The following OR51B5 variants were observed in gnomAD, a reference collection of about 807,000 sequenced individuals.
The protein encoded by OR51B5 is olfactory receptor 51B5.
For synonymous variants in OR51B5, 186 were observed against 144.8 expected, an observed-to-expected ratio of 1.28 and a Z score of -2.04; for missense variants, 456 against 374.6, an observed-to-expected ratio of 1.22 and a Z score of -1.79.
At chr11:5,500,344 G>A (rs1404403872) in intron 1 of OR51B5, among the ~76,000 whole-genome samples, 2 of 152,164 alleles carry the variant, frequency 1.3e-5, no homozygotes, top group East Asian at 1.9e-4. Flanking sequence ...TCTGTTGCAT[G>A]AGAATCTGAT....
intron 1 of OR51B5, among the ~76,000 whole-genome samples, chr11:5,377,304 C>G (rs1208688052): frequency 1.2e-4 from 18 of 152,252 alleles, no homozygotes; most frequent in Middle Eastern, 3.4e-3. Context: ...ATTGATGGGA[C>G]ATATCTCAAA....
chr11:5,368,989 A>T (rs1849413321), intron 1 of OR51B5, among the ~76,000 whole-genome samples: 1 of 152,142 alleles, frequency 6.6e-6, no homozygotes, highest in Non-Finnish European at 1.5e-5. Context: ...TGTGTCAGCC[A>T]ACTAGATGTG....
At chr11:5,421,717 A>C (rs1399086120) in intron 1 of OR51B5, among the ~76,000 whole-genome samples, 1 of 152,242 alleles carries the variant, frequency 6.6e-6, no homozygotes, top group Admixed American at 6.5e-5. Context: ...ATAGGTTTAG[A>C]ACTAGTGAAA....
intron 1 of OR51B5, among the ~76,000 whole-genome samples, chr11:5,412,611 C>T (rs941722691): frequency 2.0e-5 from 3 of 152,232 alleles, no homozygotes; most frequent in African/African-American, 7.2e-5. Flanking sequence ...TTCCAACGGG[C>T]TTAAAAAACT....
intron 1 of OR51B5, among the ~76,000 whole-genome samples, chr11:5,381,191 A>G (rs977323927): frequency 3.4e-4 from 51 of 149,764 alleles, no homozygotes; most frequent in Admixed American, 7.3e-4. Flanking sequence ...CACACAAACA[A>G]TATTACATGC....
chr11:5,342,136 T>C (rs1048946724), downstream of OR51B5, among the ~76,000 whole-genome samples: 2 of 150,370 alleles, frequency 1.3e-5, no homozygotes, highest in Non-Finnish European at 2.9e-5. Context: ...TAGGTTCCCA[T>C]TGTTTGTATG....
chr11:5,342,443 T>C (rs1056272823), downstream of OR51B5: 53 of 1,020,866 alleles, frequency 5.2e-5, no homozygotes, highest in Non-Finnish European at 6.8e-5. Context: ...CTTAAAGAGA[T>C]ACCTTAGGGA....
intron 1 of OR51B5, among the ~76,000 whole-genome samples, chr11:5,404,827 C>T (rs12275788): frequency 0.16 from 24,543 of 152,078 alleles, 2,457 homozygotes; most frequent in African/African-American, 0.29. Context: ...TCTTTAAGAG[C>T]TGTAACACTC....
chr11:5,342,539 ATAT>A (rs1564911517), downstream of OR51B5: 1 of 1,527,026 alleles, frequency 6.5e-7, no homozygotes, highest in African/African-American at 1.4e-5. Context: ...CTCCTGCTAA[ATAT>A]TAGAGTTTTT....
intron 1 of OR51B5, among the ~76,000 whole-genome samples, chr11:5,495,421 T>C (rs1409800850): frequency 6.6e-6 from 1 of 152,184 alleles, no homozygotes; most frequent in Non-Finnish European, 1.5e-5. Flanking sequence ...GGATACACAG[T>C]GTATTAAGTT....
intron 1 of OR51B5, among the ~76,000 whole-genome samples, chr11:5,348,704 T>C (rs1325737728): frequency 6.6e-6 from 1 of 152,108 alleles, no homozygotes; most frequent in Non-Finnish European, 1.5e-5. Context: ...GCTGATTAGA[T>C]AGTACCCACC....
intron 1 of OR51B5, among the ~76,000 whole-genome samples, chr11:5,361,357 C>T (rs905706668): frequency 6.6e-6 from 1 of 151,982 alleles, no homozygotes; most frequent in Non-Finnish European, 1.5e-5. Flanking sequence ...AGGAGTGGGC[C>T]GTAGGGAGGA....
At chr11:5,341,961 G>A (rs1337465283), downstream of OR51B5, among the ~76,000 whole-genome samples, 1 of 152,136 alleles carries the variant, frequency 6.6e-6, no homozygotes, top group Non-Finnish European at 1.5e-5. Flanking sequence ...GTACTGCCTT[G>A]GGGAATAAAT....
intron 1 of OR51B5, among the ~76,000 whole-genome samples, chr11:5,480,462 G>A (rs1851400558): frequency 6.7e-6 from 1 of 150,046 alleles, no homozygotes; most frequent in Non-Finnish European, 1.5e-5. Context: ...AAAAGCAAGA[G>A]CAAACACATT....
chr11:5,443,892 TAC>T (rs1850728053), intron 1 of OR51B5, among the ~76,000 whole-genome samples: 1 of 151,746 alleles, frequency 6.6e-6, no homozygotes, highest in Admixed American at 6.6e-5. Context: ...CACTCAAAGG[TAC>T]CAGAAAAATA....
intron 1 of OR51B5, among the ~76,000 whole-genome samples, chr11:5,358,534 A>G (rs1013432686): frequency 7.2e-5 from 11 of 152,200 alleles, no homozygotes; most frequent in African/African-American, 2.7e-4. Flanking sequence ...CCAGGACCAG[A>G]TGGAGTCACA....
chr11:5,456,693 C>G (rs1850965910), intron 1 of OR51B5, among the ~76,000 whole-genome samples: 1 of 152,064 alleles, frequency 6.6e-6, no homozygotes, highest in Non-Finnish European at 1.5e-5. Flanking sequence ...GTTTGGTGGA[C>G]AAATTATTTC....
intron 1 of OR51B5, among the ~76,000 whole-genome samples, chr11:5,364,900 A>G (rs1454126410): frequency 6.6e-6 from 1 of 152,210 alleles, no homozygotes; most frequent in African/African-American, 2.4e-5. Context: ...ATTTTAGTAA[A>G]TAATTTTTAA....
intron 1 of OR51B5, chr11:5,393,304 AAATC>A (rs1344492204): frequency 6.6e-6 from 1 of 152,226 alleles, no homozygotes; most frequent in Non-Finnish European, 1.5e-5. Context: ...AATATTACAT[AAATC>A]AAAGCATATT....
Sources: allele counts gnomAD v4.1 joint callset (sites outside exome capture counted in the v4.1 genomes callset), GRCh38; gene constraint gnomAD v4.1.1; transcripts MANE v1.5; gene names NCBI Gene and HGNC (gene_info 2026-07-23, HGNC 2026-07-21).